The following SORCS3 variants were observed in gnomAD, a reference collection of about 807,000 sequenced individuals.
The protein encoded by SORCS3 is VPS10 domain-containing receptor SorCS3.
A neutral mutation model predicts 146.3 loss-of-function variants in SORCS3; 57 were observed. That is an observed-to-expected ratio of 0.39 (90% CI 0.31 to 0.49). The LOEUF (loss-of-function observed/expected upper bound fraction) is 0.49, where lower values mean the gene tolerates loss of function less well. Ranked by LOEUF, SORCS3 falls within the 20% of genes least tolerant of loss-of-function variation. The probability of loss-of-function intolerance (pLI) is 0.92; values close to 1 mark genes in which losing one functional copy is unlikely to be tolerated. For synonymous variants in SORCS3, 653 were observed against 618.5 expected (o/e 1.06, Z -0.83); for missense variants, 1,341 against 1,575.5 (o/e 0.85, Z 2.52).
chr10:105,012,379 C>A (rs1359635167), intron 4 of SORCS3, among the ~76,000 whole-genome samples: 2 of 152,094 alleles, frequency 1.3e-5, no homozygotes, highest in African/African-American at 4.8e-5. Flanking sequence ...TGATTGGATT[C>A]TTTTGACATT....
At chr10:105,241,089 T>C (rs2056819992) in intron 20 of SORCS3, among the ~76,000 whole-genome samples, 1 of 152,184 alleles carries the variant, frequency 6.6e-6, no homozygotes, top group South Asian at 2.1e-4. Context: ...TTTTTTTGTT[T>C]GTATACTTGT....
At chr10:105,258,654 A>G (rs1178429733) in intron 25 of SORCS3, among the ~76,000 whole-genome samples, 1 of 152,152 alleles carries the variant, frequency 6.6e-6, no homozygotes, top group South Asian at 2.1e-4. Flanking sequence ...TTTTCTTTTT[A>G]TAAATGCTGT....
Position 105,262,325 on chromosome 10 carries a change from A to T in SORCS3, c.3444-6A>T. 1 of 1,611,630 alleles carries T rather than the reference A, an allele frequency of 6.2e-7. No individual in the cohort carries two copies. Among genetic ancestry groups the T allele is most frequent in the Non-Finnish European group, 8.5e-7 (1 of 1,178,194 alleles). On this transcript the variant is annotated splice_region_variant and splice_polypyrimidine_tract_variant and intron_variant, in intron 25 of 26. Transcript: ENST00000369701. ...CTTAACCTGATTTTGCTCCTGTCCC[A>T]TGTAGGAAAATCCCTTGGATTAACA...
At chr10:104,737,669 A>G (rs1405908378) in intron 1 of SORCS3, among the ~76,000 whole-genome samples, 1 of 151,976 alleles carries the variant, frequency 6.6e-6, no homozygotes, top group African/African-American at 2.4e-5. Flanking sequence ...TAGATTCTGG[A>G]TATTAGCCCT....
chr10:105,138,748 C>T (rs1379527772), intron 7 of SORCS3, among the ~76,000 whole-genome samples: 1 of 152,298 alleles, frequency 6.6e-6, no homozygotes, highest in East Asian at 1.9e-4. Flanking sequence ...GTCCCTGAGC[C>T]TTCTAGCCAG....
chr10:104,757,864 C>G lies in SORCS3; in HGVS notation c.628-84928C>G, dbSNP rs868306666. 1.4e-3 allele frequency among the ~76,000 whole-genome samples: 85 copies of G among 59,642 alleles called. No individual in the cohort carries two copies. In the South Asian group the frequency reaches 0.029, roughly 20 times the overall value. The allele number at this position is 59,642 out of a possible 152,430, so 39.1% of individuals were successfully genotyped here. A position where few individuals can be genotyped will look rare whatever the true frequency, so the allele number is the denominator to read the frequency against. ...CGGTTCCCCACTGCCACCACCCCCCCCCCCACACCCGCTGCCTTGATGCTG... is the reference window on the plus strand; with the variant it reads ...CGGTTCCCCACTGCCACCACCCCCCGCCCCACACCCGCTGCCTTGATGCTG... On this transcript the variant is annotated intron_variant, in intron 1 of 26. Transcript: ENST00000369701.
intron 1 of SORCS3, among the ~76,000 whole-genome samples, chr10:104,716,821 G>T (rs1589469895): frequency 6.6e-6 from 1 of 152,252 alleles, no homozygotes; most frequent in East Asian, 1.9e-4. Flanking sequence ...CTCCCTCCAT[G>T]GTGGACCATT....
At chr10:104,732,087 A>G (rs893081149) in intron 1 of SORCS3, among the ~76,000 whole-genome samples, 16 of 152,244 alleles carry the variant, frequency 1.1e-4, no homozygotes, top group African/African-American at 3.9e-4. Flanking sequence ...TTCCAGAAAT[A>G]TGCGTTAGCT....
chr10:105,219,878 G>T (rs935120509), intron 19 of SORCS3, among the ~76,000 whole-genome samples: 1 of 152,144 alleles, frequency 6.6e-6, no homozygotes, highest in South Asian at 2.1e-4. Context: ...CAAGGAAGAG[G>T]TTTACACTGT....
chr10:104,757,857 A>G (rs1248333026), intron 1 of SORCS3, among the ~76,000 whole-genome samples: 1 of 65,052 alleles, frequency 1.5e-5, no homozygotes, highest in African/African-American at 6.4e-5. Flanking sequence ...CACTGCCACC[A>G]CCCCCCCCCC....
chr10:105,030,607 T>A (rs1156778697), intron 4 of SORCS3, among the ~76,000 whole-genome samples: 1 of 151,920 alleles, frequency 6.6e-6, no homozygotes, highest in Non-Finnish European at 1.5e-5. Context: ...TTTTTTTTTT[T>A]TTGAGACAGA....
chr10:104,819,652 C>T (rs1197357703), intron 1 of SORCS3, among the ~76,000 whole-genome samples: 2 of 152,156 alleles, frequency 1.3e-5, no homozygotes, highest in Admixed American at 6.5e-5. Context: ...GAGGCAGGTG[C>T]GCCCTTTCCC....
chr10:104,909,078 T>C (rs1264571061), intron 2 of SORCS3, among the ~76,000 whole-genome samples: 2 of 152,154 alleles, frequency 1.3e-5, no homozygotes, highest in African/African-American at 4.8e-5. Flanking sequence ...CTCTAGCTGA[T>C]ACCAGCTAGA....
At chr10:105,091,188 C>T (rs2055700252) in intron 6 of SORCS3, among the ~76,000 whole-genome samples, 1 of 107,374 alleles carries the variant, frequency 9.3e-6, no homozygotes, top group Non-Finnish European at 2.0e-5. Flanking sequence ...TTCCTTCATC[C>T]CTCCTTCCTT....
chr10:105,181,194 A>G (rs115372473), intron 14 of SORCS3, among the ~76,000 whole-genome samples: 1 of 152,244 alleles, frequency 6.6e-6, no homozygotes, highest in African/African-American at 2.4e-5. Flanking sequence ...TGGAAGAATC[A>G]AGTGACTTCT....
At chr10:104,820,911 T>G (rs1271943857) in intron 1 of SORCS3, among the ~76,000 whole-genome samples, 1 of 152,182 alleles carries the variant, frequency 6.6e-6, no homozygotes, top group African/African-American at 2.4e-5. Context: ...GATTTTGATC[T>G]GAGGCTTAAA....
At chr10:104,663,797 T>C (rs1434041036) in intron 1 of SORCS3, among the ~76,000 whole-genome samples, 1 of 152,190 alleles carries the variant, frequency 6.6e-6, no homozygotes. Flanking sequence ...CCAGGAGCTT[T>C]TTCCTTCACA....
At chr10:105,000,336 A>T (rs752979017) in intron 4 of SORCS3, among the ~76,000 whole-genome samples, 2 of 149,336 alleles carry the variant, frequency 1.3e-5, no homozygotes, top group Non-Finnish European at 3.0e-5. Flanking sequence ...ACGTGTGTTC[A>T]TGTGTGTGTG....
intron 14 of SORCS3, among the ~76,000 whole-genome samples, chr10:105,196,053 A>G (rs1324201118): frequency 1.3e-5 from 2 of 152,184 alleles, no homozygotes; most frequent in Non-Finnish European, 2.9e-5. Flanking sequence ...GAACAATCGA[A>G]CAAGTCTGTA....
Sources: gnomAD v4.1 joint callset for allele counts (sites outside exome capture counted in the v4.1 genomes callset) on GRCh38, gnomAD v4.1.1 for gene constraint, MANE v1.5 for transcripts, NCBI Gene and HGNC (gene_info 2026-07-23, HGNC 2026-07-21) for gene names.